Variants in METRNL observed in about 807,000 individuals in gnomAD.
The protein encoded by METRNL is meteorin-like protein.
In METRNL, 9 loss-of-function variants were observed where a neutral mutation model predicts 17.4. The ratio of observed to expected loss-of-function variants is 0.52; its 90% CI spans 0.31 to 0.90. The LOEUF is 0.90. METRNL is among the 40% of genes least tolerant of loss of function. The pLI is 0.05. For missense variants in METRNL, 408 were observed against 430.7 expected (o/e 0.95, Z 0.47); for synonymous variants, 215 against 199.3 (o/e 1.08, Z -0.66).
chr17:83,094,926 C>G lies in METRNL; in HGVS notation c.*351C>G. 1 of 252,874 alleles carries G rather than the reference C, an allele frequency of 4.0e-6. No individual in the cohort carries two copies. The highest frequency in any genetic ancestry group is 7.5e-6 in the Non-Finnish European group (1 of 133,938). 15.7% of individuals were successfully genotyped at this position (252,874 alleles called of 1,614,324 possible). Reference sequence around the variant, plus strand: ...GTTAGGAGTCACGGCATCTGGCCTGCGGTTGGGTGAAGCACTGGCCGTTGG... The same window carrying G: ...GTTAGGAGTCACGGCATCTGGCCTGGGGTTGGGTGAAGCACTGGCCGTTGG... On this transcript the variant is annotated 3_prime_UTR_variant, in exon 4 of 4. Coordinates refer to ENST00000320095, the MANE Select transcript of METRNL (RefSeq NM_001004431.3).
chr17:83,090,070 C>G (rs1357166321), intron 2 of METRNL, among the ~76,000 whole-genome samples: 4 of 151,964 alleles, frequency 2.6e-5, no homozygotes, highest in African/African-American at 9.7e-5. Flanking sequence ...CCTCACGCGC[C>G]CAGGCCCCGG....
intron 2 of METRNL, among the ~76,000 whole-genome samples, chr17:83,086,598 G>C (rs1274325069): frequency 6.6e-6 from 1 of 152,202 alleles, no homozygotes; most frequent in Non-Finnish European, 1.5e-5. Flanking sequence ...TTTCTAACCG[G>C]AGGTAGAAGG....
At chr17:83,082,140 C>G in intron 1 of METRNL, 1 of 985,470 alleles carries the variant, frequency 1.0e-6, no homozygotes. Flanking sequence ...TCTTTATCAG[C>G]CAGTGCTCAT....
At chr17:83,084,597 G>C (rs896779528) in intron 1 of METRNL, 3 of 350,974 alleles carry the variant, frequency 8.5e-6, no homozygotes, top group African/African-American at 6.3e-5. Context: ...ATTGGTGTTT[G>C]ACGCTACGGC....
rs200904127 is a variant in METRNL at position 83,085,352 on chromosome 17, C to T, written c.556+29C>T. ...AGTGTCCTGCCTGGGGCGGGGGCGG[C>T]GGGCCTCGTCATCACGGGGCTGGTG... On this transcript the variant is annotated intron_variant, in intron 2 of 3. Coordinates refer to ENST00000320095, the MANE Select transcript of METRNL (RefSeq NM_001004431.3). 2,030 of 1,509,992 alleles carry T rather than the reference C, an allele frequency of 1.3e-3. 5 individuals carry two copies. The Middle Eastern group carries it at 0.017, about 12-fold the overall frequency. The allele number at this position is 1,509,992 out of a possible 1,614,324, so 93.5% of individuals were successfully genotyped here. A position where few individuals can be genotyped will look rare whatever the true frequency, so the allele number is the denominator to read the frequency against.
Position 83,094,373 on chromosome 17 carries a change from A to G in METRNL, c.734A>G (p.Glu245Gly). ...QKSRVFEPVP[E>G]GDGHWQGRVR... ...AGCAGGGTCTTCGAGCCGGTGCCCG[A>G]GGGTGACGGCCACTGGCAGGGGCGC... The change falls in exon 4 of 4, where the codon GAG becomes GGG. Residue 245 changes from glutamate (E) to glycine (G), a missense_variant. By Grantham distance (98) the Glu-to-Gly change is moderately conservative. Transcript: ENST00000320095. 1 of 1,610,766 alleles carries G rather than the reference A, an allele frequency of 6.2e-7. No homozygotes were observed. The highest frequency in any genetic ancestry group is 8.5e-7 in the Non-Finnish European group (1 of 1,178,514).
chr17:83,093,101 G>T, intron 2 of METRNL, 66 bp from the exon 3 acceptor site: 1 of 1,375,012 alleles, frequency 7.3e-7, no homozygotes, highest in Non-Finnish European at 1.0e-6. Flanking sequence ...TCCTTTGACG[G>T]TGGTGGGCGG....
intron 1 of METRNL, among the ~76,000 whole-genome samples, chr17:83,081,782 G>A (rs1274655953): frequency 6.6e-6 from 1 of 152,228 alleles, no homozygotes; most frequent in Non-Finnish European, 1.5e-5. Context: ...ACGGGGCCCG[G>A]CTGTGTTTCT....
At chr17:83,092,619 GT>G (rs2038152693) in intron 2 of METRNL, 1 of 136,238 alleles carries the variant, frequency 7.3e-6, no homozygotes, top group African/African-American at 2.8e-5. Flanking sequence ...GCCGTGGGCT[GT>G]GGAGGTGGGT....
At chr17:83,089,868 T>A (rs1360609043) in intron 2 of METRNL, among the ~76,000 whole-genome samples, 1 of 152,018 alleles carries the variant, frequency 6.6e-6, no homozygotes, top group African/African-American at 2.4e-5. Flanking sequence ...CGTTGGGTCG[T>A]CTCCAGAGGC....
At chr17:83,090,066 G>A (rs1307128836) in intron 2 of METRNL, among the ~76,000 whole-genome samples, 5 of 151,932 alleles carry the variant, frequency 3.3e-5, no homozygotes, top group Admixed American at 6.5e-5. Context: ...ATACCCTCAC[G>A]CGCCCAGGCC....
intron 1 of METRNL, among the ~76,000 whole-genome samples, chr17:83,081,808 C>T (rs887731899): frequency 8.5e-5 from 13 of 152,104 alleles, no homozygotes; most frequent in African/African-American, 3.1e-4. Flanking sequence ...GTAAGTGAGA[C>T]TTCCTTTTGT....
At chr17:83,091,505 T>C (rs2038136589) in intron 2 of METRNL, among the ~76,000 whole-genome samples, 1 of 152,188 alleles carries the variant, frequency 6.6e-6, no homozygotes, top group Admixed American at 6.5e-5. Flanking sequence ...TGAGGGTCCA[T>C]GTAAGTTCCT....
At chr17:83,092,340 C>T (rs1445721150) in intron 2 of METRNL, 1 of 152,286 alleles carries the variant, frequency 6.6e-6, no homozygotes, top group Non-Finnish European at 1.5e-5. Context: ...TTCCTGGAAT[C>T]TTGGCCTCGC....
At chr17:83,083,482 A>C (rs373107984) in intron 1 of METRNL, among the ~76,000 whole-genome samples, 4 of 152,348 alleles carry the variant, frequency 2.6e-5, no homozygotes, top group Admixed American at 2.6e-4. Context: ...CACCGAGTCC[A>C]GTTTCCACAC....
intron 2 of METRNL, among the ~76,000 whole-genome samples, chr17:83,090,170 A>ACACC (rs1407717128): frequency 2.2e-5 from 1 of 45,598 alleles, no homozygotes; most frequent in Admixed American, 2.8e-4. Context: ...GGAGCCACAC[A>ACACC]CCCCTGCCCC....
chr17:83,091,387 C>G lies in METRNL; in HGVS notation c.557-1780C>G, dbSNP rs369015298. ...ACCCCTGCCTGGCGGAAAGTGCTGG[C>G]CTTGTCTCTGGGTCCCTCCTACCTC... is the stretch of plus-strand genomic sequence containing the variant. On this transcript the variant is annotated intron_variant, in intron 2 of 3. Coordinates refer to ENST00000320095, the MANE Select transcript of METRNL (RefSeq NM_001004431.3). Among the ~76,000 whole-genome samples the G allele has an allele frequency of 2.1e-3, 327 of 152,354 alleles. 1 individual carries two copies. The highest frequency in any genetic ancestry group is 7.0e-3 in the African/African-American group (292 of 41,580).
In METRNL at chr17:83,079,787, G is replaced by T; in HGVS notation, c.-29G>T. ...GTCTGCTCCGGGGGTCGCGGACGCG[G>T]GGCCGGGCGGCGGAGCCGGCGCCAG... On this transcript the variant is annotated 5_prime_UTR_variant, in exon 1 of 4. Transcript: ENST00000320095. 1.0e-6 allele frequency: 1 copy of T among 972,750 alleles called. No individual in the cohort carries two copies. The highest frequency in any genetic ancestry group is 1.8e-5 in the African/African-American group (1 of 56,260). The allele number at this position is 972,750 out of a possible 1,614,324, so 60.3% of individuals were successfully genotyped here.
chr17:83,079,763 T>C lies in METRNL; in HGVS notation c.-53T>C. ...CCCGCCCGGCTCGCCGGCTCCGGGG[T>C]CTGCTCCGGGGGTCGCGGACGCGGG... On this transcript the variant is annotated 5_prime_UTR_variant, in exon 1 of 4. Transcript: ENST00000320095. 1 of 887,928 alleles carries C rather than the reference T, an allele frequency of 1.1e-6. No homozygotes were observed. The highest frequency in any genetic ancestry group is 1.3e-6 in the Non-Finnish European group (1 of 749,970). 55.0% of individuals were successfully genotyped at this position (887,928 alleles called of 1,614,324 possible). A position where few individuals can be genotyped will look rare whatever the true frequency, so the allele number is the denominator to read the frequency against.
Sources: allele counts gnomAD v4.1 joint callset (sites outside exome capture counted in the v4.1 genomes callset), GRCh38; gene constraint gnomAD v4.1.1; transcripts MANE v1.5; gene names NCBI Gene and HGNC (gene_info 2026-07-23, HGNC 2026-07-21).